Variants in CFAP61 observed in about 807,000 individuals in gnomAD.
CFAP61 encodes cilia- and flagella-associated protein 61.
In CFAP61, 107 loss-of-function variants were observed where a neutral mutation model predicts 135.6. The ratio of observed to expected loss-of-function variants is 0.79; its 90% CI spans 0.67 to 0.93. The LOEUF (loss-of-function observed/expected upper bound fraction) is 0.93. Ranked by LOEUF, CFAP61 falls within the 40% of genes least tolerant of loss-of-function variation. The pLI is 0.00. For missense variants in CFAP61, 1,507 were observed against 1,556.2 expected (o/e 0.97, Z 0.53); for synonymous variants, 575 against 578.5 (o/e 0.99, Z 0.09).
chr20:20,301,990 A>G (rs940967173), intron 25 of CFAP61, among the ~76,000 whole-genome samples: 1 of 152,234 alleles, frequency 6.6e-6, no homozygotes, highest in East Asian at 1.9e-4. Context: ...GCAAGAATTG[A>G]CATATTTGAT....
At chr20:20,080,650 T>C (rs1243570167) in intron 6 of CFAP61, among the ~76,000 whole-genome samples, 2 of 152,220 alleles carry the variant, frequency 1.3e-5, no homozygotes, top group African/African-American at 4.8e-5. Flanking sequence ...CCATTTATAT[T>C]CTGACCAAAT....
chr20:20,360,542 TCCTTC>T lies in CFAP61; in HGVS notation c.*136_*140del. 1.4e-6 allele frequency: 1 copy of T among 729,248 alleles called. No individual in the cohort carries two copies. The highest frequency in any genetic ancestry group is 2.3e-6 in the Non-Finnish European group (1 of 441,200). 45.2% of individuals were successfully genotyped at this position (729,248 alleles called of 1,614,324 possible). A position where few individuals can be genotyped will look rare whatever the true frequency, so the allele number is the denominator to read the frequency against. Reference sequence around the variant, plus strand: ...CCCCTGGTGGTTTTGTTCATTCCTTTCCTTCCCTGACTTATGCCTGTAGTTTTCTA... The same window carrying T: ...CCCCTGGTGGTTTTGTTCATTCCTTTCCTGACTTATGCCTGTAGTTTTCTA... On this transcript the variant is annotated 3_prime_UTR_variant, in exon 27 of 27. Coordinates refer to ENST00000245957, the MANE Select transcript of CFAP61 (RefSeq NM_015585.4).
chr20:20,331,651 C>T (rs1284926198), intron 25 of CFAP61, among the ~76,000 whole-genome samples: 2 of 152,194 alleles, frequency 1.3e-5, no homozygotes, highest in Non-Finnish European at 2.9e-5. Flanking sequence ...ATATCTTGCT[C>T]TATGGAGTTT....
intron 8 of CFAP61, among the ~76,000 whole-genome samples, chr20:20,139,479 TAAC>T (rs1166266126): frequency 4.6e-5 from 7 of 152,218 alleles, no homozygotes; most frequent in African/African-American, 1.7e-4. Flanking sequence ...AGCCATAAAA[TAAC>T]AATTAAATCG....
chr20:20,310,125 G>A (rs2056735799), intron 25 of CFAP61, among the ~76,000 whole-genome samples: 1 of 152,150 alleles, frequency 6.6e-6, no homozygotes, highest in African/African-American at 2.4e-5. Context: ...CTCCTGAGTA[G>A]CTGGGTAGCA....
Position 20,359,798 on chromosome 20 carries a change from G to A in CFAP61, c.3514-412G>A, listed in dbSNP as rs1217090562. Among the ~76,000 whole-genome samples, 2 of 152,226 alleles carry A rather than the reference G, an allele frequency of 1.3e-5. No individual in the cohort carries two copies. The highest frequency in any genetic ancestry group is 2.4e-5 in the African/African-American group (1 of 41,458). ...ACATTATGCTAAGTGATATAAGCCA[G>A]TCACAAAAAAAAGTACTACAGGGTT... On this transcript the variant is annotated intron_variant, in intron 26 of 26. Coordinates refer to ENST00000245957, the MANE Select transcript of CFAP61 (RefSeq NM_015585.4). The surrounding 1 kb of genome is among the most constrained non-coding windows in gnomAD (Gnocchi z 4.0).
intron 21 of CFAP61, among the ~76,000 whole-genome samples, chr20:20,269,218 T>C (rs2053128245): frequency 6.9e-6 from 1 of 144,350 alleles, no homozygotes; most frequent in African/African-American, 2.5e-5. Flanking sequence ...TATACACATA[T>C]ATACATATAT....
At chr20:20,173,404 TGA>T (rs1193290077) in intron 13 of CFAP61, among the ~76,000 whole-genome samples, 1 of 152,200 alleles carries the variant, frequency 6.6e-6, no homozygotes, top group African/African-American at 2.4e-5. Flanking sequence ...CAGCAGTGAA[TGA>T]GAGTTCCCGC....
At chr20:20,350,047 T>C (rs1166621120) in intron 26 of CFAP61, among the ~76,000 whole-genome samples, 1 of 152,216 alleles carries the variant, frequency 6.6e-6, no homozygotes, top group African/African-American at 2.4e-5. Context: ...ATCAATGGAC[T>C]AAAATTCAGA....
rs779419528 is a variant in CFAP61, at chr20:20,298,342, C to T, written c.3378C>T (p.Asn1126=). Reference sequence around the variant, plus strand: ...GCCAGCACGAGCAACTCCTCAACAACCTGTGTGCTCGGTACGATGAAAACC... The same window carrying T: ...GCCAGCACGAGCAACTCCTCAACAATCTGTGTGCTCGGTACGATGAAAACC... ...LFGQHEQLLN[N]LCARYDENLI... The change falls in exon 25 of 27, where the codon AAC becomes AAT. Residue 1126 remains asparagine, a synonymous_variant. Transcript: ENST00000245957. The T allele has an allele frequency of 3.1e-6, 5 of 1,614,064 alleles. No individual in the cohort carries two copies. The highest frequency in any genetic ancestry group is 4.2e-6 in the Non-Finnish European group (5 of 1,180,044).
intron 25 of CFAP61, among the ~76,000 whole-genome samples, chr20:20,333,039 G>A (rs1339163269): frequency 1.3e-5 from 2 of 152,196 alleles, no homozygotes; most frequent in African/African-American, 4.8e-5. Context: ...TCAAATGGAG[G>A]AAAAGCATTC....
chr20:20,176,249 TTGG>T (rs901080191), intron 13 of CFAP61, among the ~76,000 whole-genome samples: 10 of 152,318 alleles, frequency 6.6e-5, no homozygotes, highest in South Asian at 2.1e-4. Context: ...TTTTACACTG[TTGG>T]TGGGTGTGTA....
At chr20:20,126,547 A>G (rs371934920) in intron 8 of CFAP61, among the ~76,000 whole-genome samples, 12 of 151,898 alleles carry the variant, frequency 7.9e-5, no homozygotes, top group African/African-American at 2.2e-4. Flanking sequence ...TAGGGCCCCA[A>G]TCCCTTCTAG....
chr20:20,056,907 C>T (rs1272656405), intron 2 of CFAP61, 111 bp downstream of exon 2: 1 of 944,822 alleles, frequency 1.1e-6, no homozygotes, highest in Non-Finnish European at 1.6e-6. Context: ...CACCTGAGGC[C>T]AGGAGTTCAA....
At chr20:20,194,064 TC>T (rs1393188262) in intron 15 of CFAP61, among the ~76,000 whole-genome samples, 18 of 152,222 alleles carry the variant, frequency 1.2e-4, no homozygotes, top group Non-Finnish European at 4.4e-5. Flanking sequence ...TCTTTTTGTA[TC>T]TGGAATTCTG....
At chr20:20,057,322 T>C (rs981659842) in intron 2 of CFAP61, among the ~76,000 whole-genome samples, 6 of 152,184 alleles carry the variant, frequency 3.9e-5, no homozygotes, top group African/African-American at 1.4e-4. Flanking sequence ...TCTCATGGGC[T>C]TTGGATTCAA....
chr20:20,193,671 T>C (rs747441526), intron 15 of CFAP61, among the ~76,000 whole-genome samples: 1 of 152,148 alleles, frequency 6.6e-6, no homozygotes, highest in African/African-American at 2.4e-5. Context: ...TGGAGTTCAG[T>C]GATGTGATCT....
At chr20:20,067,720 A>G (rs1280925874) in intron 2 of CFAP61, among the ~76,000 whole-genome samples, 1 of 145,294 alleles carries the variant, frequency 6.9e-6, no homozygotes, top group African/African-American at 2.5e-5. Flanking sequence ...TATATATAAT[A>G]TATATTCATA....
rs1039649443 is a variant in CFAP61 at position 20,360,389 on chromosome 20, C to T, written c.3693C>T (p.Tyr1231=). 4 of 1,613,740 alleles carry T rather than the reference C, an allele frequency of 2.5e-6. No individual in the cohort carries two copies. The highest frequency in any genetic ancestry group is 2.2e-5 in the East Asian group (1 of 44,902). Residue 1231 remains tyrosine, a synonymous_variant, in exon 27 of 27, where the codon TAC becomes TAT. Coordinates refer to ENST00000245957, the MANE Select transcript of CFAP61 (RefSeq NM_015585.4). ...ATAACCGCTACCACCTGCCCATGTA[C>T]GCGTGGCCAGGCATCGTTTAGTTGT... is the stretch of plus-strand genomic sequence containing the variant. ...LHYNRYHLPM[Y]AWPGIV
Sources: allele counts gnomAD v4.1 joint callset (sites outside exome capture counted in the v4.1 genomes callset), GRCh38; gene constraint gnomAD v4.1.1; non-coding constraint Gnocchi (gnomAD v3.1); transcripts MANE v1.5; gene names NCBI Gene and HGNC (gene_info 2026-07-23, HGNC 2026-07-21).